Variants in CLIP1 observed in about 807,000 individuals in gnomAD.
The protein encoded by CLIP1 is CAP-Gly domain containing linker protein 1, also known as CAP-Gly domain-containing linker protein 1.
Under a neutral mutation model 161.6 loss-of-function variants are expected in CLIP1, and 66 were observed. The observed-to-expected ratio is 0.41, with a 90% CI of 0.33 to 0.50. The LOEUF (loss-of-function observed/expected upper bound fraction) is 0.50. Ranked by LOEUF, CLIP1 falls within the 20% of genes least tolerant of loss-of-function variation. CLIP1 has a pLI of 0.27. For synonymous variants in CLIP1, 598 were observed against 626.2 expected (o/e 0.96, Z 0.67); for missense variants, 1,376 against 1,702.0 (o/e 0.81, Z 3.37).
chr12:122,377,058 G>A (rs1363063568), intron 3 of CLIP1, among the ~76,000 whole-genome samples: 2 of 150,032 alleles, frequency 1.3e-5, no homozygotes, highest in Non-Finnish European at 3.0e-5. Flanking sequence ...CGCCCAGGCT[G>A]GAGTGTAGTG....
At chr12:122,409,424 C>T (rs1956447205) in intron 1 of CLIP1, among the ~76,000 whole-genome samples, 1 of 152,116 alleles carries the variant, frequency 6.6e-6, no homozygotes, top group Non-Finnish European at 1.5e-5. Context: ...CCACGCCCAG[C>T]CTATATTTCA....
At chr12:122,362,746 A>C (rs577834808) in intron 4 of CLIP1, among the ~76,000 whole-genome samples, 18 of 149,944 alleles carry the variant, frequency 1.2e-4, no homozygotes, top group Admixed American at 1.2e-3. Context: ...GTACTCTGCA[A>C]GTATAGCATT....
At chr12:122,383,774 T>A (rs1487958155) in intron 1 of CLIP1, among the ~76,000 whole-genome samples, 1 of 151,980 alleles carries the variant, frequency 6.6e-6, no homozygotes, top group Non-Finnish European at 1.5e-5. Flanking sequence ...AGAGGCAACA[T>A]CTCTGTATAA....
At chr12:122,278,749 G>A in intron 23 of CLIP1, 43 bp downstream of exon 23, 1 of 1,521,292 alleles carries the variant, frequency 6.6e-7, no homozygotes, top group Non-Finnish European at 8.8e-7. Context: ...CTCCTCGGGA[G>A]GACGCGGGGT....
chr12:122,294,838 G>A (rs1324216388), intron 20 of CLIP1, among the ~76,000 whole-genome samples: 1 of 152,068 alleles, frequency 6.6e-6, no homozygotes, highest in Non-Finnish European at 1.5e-5. Flanking sequence ...CATGAGGTCA[G>A]GAGATAGAGA....
At chr12:122,342,651 C>G (rs1476355306) in intron 10 of CLIP1, 1 of 152,062 alleles carries the variant, frequency 6.6e-6, no homozygotes, top group African/African-American at 2.4e-5. Flanking sequence ...GGCAACACAG[C>G]AAGACCCCGT....
At chr12:122,339,397 G>T (rs1270575654) in intron 11 of CLIP1, among the ~76,000 whole-genome samples, 1 of 152,120 alleles carries the variant, frequency 6.6e-6, no homozygotes, top group Non-Finnish European at 1.5e-5. Flanking sequence ...GGGTACAGTG[G>T]CACGATCTCA....
chr12:122,375,739 G>T (rs1243342577), intron 3 of CLIP1, among the ~76,000 whole-genome samples: 1 of 148,894 alleles, frequency 6.7e-6, no homozygotes, highest in Non-Finnish European at 1.5e-5. Context: ...ATCAGAAGGG[G>T]AAAAAAAATC....
intron 1 of CLIP1, among the ~76,000 whole-genome samples, chr12:122,421,801 G>A (rs73405864): frequency 0.018 from 2,776 of 152,248 alleles, 51 homozygotes; most frequent in African/African-American, 0.044. Context: ...CTTCCAATTC[G>A]GGCAATCGCT....
At chr12:122,349,072 G>A (rs1566152099) in intron 9 of CLIP1, among the ~76,000 whole-genome samples, 1 of 152,132 alleles carries the variant, frequency 6.6e-6, no homozygotes, top group Non-Finnish European at 1.5e-5. Flanking sequence ...AGCCCTAACT[G>A]TCTGGATAAT....
At chr12:122,363,337 C>G (rs988847822) in intron 4 of CLIP1, among the ~76,000 whole-genome samples, 2 of 152,038 alleles carry the variant, frequency 1.3e-5, no homozygotes, top group Non-Finnish European at 2.9e-5. Context: ...ACTAAAAATA[C>G]AAAAATTAGC....
chr12:122,393,640 G>A lies in CLIP1; in HGVS notation c.-106-13082C>T, dbSNP rs144644176. Among the ~76,000 whole-genome samples the A allele has an allele frequency of 6.1e-4, 93 of 152,160 alleles. 3 individuals are homozygous for A. In the East Asian group the frequency reaches 0.014, roughly 23 times the overall value. ...AAGAGTCTAGATCTTGGCTGGGCAC[G>A]GTGGCTCCCACCTGTAATCCCAGCA... is the stretch of plus-strand genomic sequence containing the variant. On this transcript the variant is annotated intron_variant, in intron 1 of 25. Transcript: ENST00000620786.
chr12:122,294,164 T>TA (rs1222442221), intron 20 of CLIP1, among the ~76,000 whole-genome samples: 9 of 150,454 alleles, frequency 6.0e-5, no homozygotes, highest in African/African-American at 1.9e-4. Context: ...CTGTCTCTAC[T>TA]AAAAATACAA....
At chr12:122,372,711 CA>C (rs1309757311) in intron 3 of CLIP1, among the ~76,000 whole-genome samples, 1 of 152,058 alleles carries the variant, frequency 6.6e-6, no homozygotes, top group African/African-American at 2.4e-5. Flanking sequence ...AAGATTCAGC[CA>C]AAAGGGGCTT....
chr12:122,278,846 T>C lies in CLIP1; in HGVS notation c.3862A>G (p.Lys1288Glu), dbSNP rs753032722. 6.2e-7 allele frequency: 1 copy of C among 1,612,036 alleles called. No homozygotes were observed. The highest frequency in any genetic ancestry group is 1.1e-5 in the South Asian group (1 of 90,812). ...TCTTTGAGTTGAAGCTCCAAGTTCTTTACCTTGAGCTCGAGCTTCACCTTA... is the reference window on the plus strand; with the variant it reads ...TCTTTGAGTTGAAGCTCCAAGTTCTCTACCTTGAGCTCGAGCTTCACCTTA... ...SDKVKLELKV[K>E]NLELQLKENK... Residue 1288 changes from lysine to glutamate, a missense_variant, in exon 23 of 26, where the codon AAG becomes GAG. This residue lies in a region of CLIP1 where 948 missense variants were observed against 1,134.8 expected (regional missense o/e 0.84). Transcript: ENST00000620786.
At position 122,327,826 on chromosome 12, in the gene CLIP1, G is replaced by T. The variant is rs1295688319; in HGVS notation, c.3249+121C>A. 21 of 795,042 alleles carry T rather than the reference G, an allele frequency of 2.6e-5. No homozygotes were observed. The Admixed American group carries it at 3.7e-4, about 14-fold the overall frequency. The allele number at this position is 795,042 out of a possible 1,614,324, so 49.2% of individuals were successfully genotyped here. A position where few individuals can be genotyped will look rare whatever the true frequency, so the allele number is the denominator to read the frequency against. On this transcript the variant is annotated intron_variant, in intron 17 of 25. Transcript: ENST00000620786. ...ACCACCCTGCCACGCACTCAGAAGG[G>T]TAACGTCTGTAGAGGCCACCTTAAC...
intron 20 of CLIP1, among the ~76,000 whole-genome samples, chr12:122,304,016 G>T (rs541626470): frequency 1.3e-5 from 2 of 152,320 alleles, no homozygotes; most frequent in Non-Finnish European, 2.9e-5. Flanking sequence ...GCCTACTGCG[G>T]ACTTATTATC....
chr12:122,408,473 C>T (rs1488638594), intron 1 of CLIP1, among the ~76,000 whole-genome samples: 4 of 151,982 alleles, frequency 2.6e-5, no homozygotes, highest in Non-Finnish European at 4.4e-5. Flanking sequence ...CTCAGCCTCC[C>T]GAGTAGCTGG....
intron 1 of CLIP1, among the ~76,000 whole-genome samples, chr12:122,417,543 C>T (rs1413566644): frequency 6.9e-6 from 1 of 145,736 alleles, no homozygotes; most frequent in Non-Finnish European, 1.5e-5. Context: ...AACGGAGTCT[C>T]GCTCTGTCGC....
Sources: gnomAD v4.1 joint callset for allele counts (sites outside exome capture counted in the v4.1 genomes callset) on GRCh38, gnomAD v4.1.1 for gene constraint, gnomAD v4.1.1 regional missense constraint, MANE v1.5 for transcripts, NCBI Gene and HGNC (gene_info 2026-07-23, HGNC 2026-07-21) for gene names.